ADGRL3: variants seen among roughly 807,000 people sequenced by gnomAD.
ADGRL3 encodes calcium-independent alpha-latrotoxin receptor 3.
Under a neutral mutation model 153.5 loss-of-function variants are expected in ADGRL3, and 62 were observed. That is an observed-to-expected ratio of 0.40 (90% CI 0.33 to 0.50). ADGRL3 has a LOEUF of 0.50. Among genes scored for constraint, ADGRL3 ranks in the 20% least tolerant of loss-of-function variants. ADGRL3 has a pLI of 0.47. For synonymous variants in ADGRL3, 710 were observed against 672.5 expected (o/e 1.06, Z -0.86); for missense variants, 1,641 against 1,859.4 (o/e 0.88, Z 2.16).
intron 17 of ADGRL3, among the ~76,000 whole-genome samples, chr4:61,971,522 A>G (rs1406008694): frequency 2.0e-5 from 3 of 151,918 alleles, no homozygotes; most frequent in African/African-American, 4.8e-5. Context: ...ATTCCATGGT[A>G]TATATGTGCC....
intron 1 of ADGRL3, among the ~76,000 whole-genome samples, chr4:61,377,381 G>A (rs1314901028): frequency 6.6e-6 from 1 of 152,030 alleles, no homozygotes; most frequent in African/African-American, 2.4e-5. Context: ...ATTGACTAAG[G>A]TTTGAGGATC....
intron 4 of ADGRL3, among the ~76,000 whole-genome samples, chr4:61,581,614 C>G (rs940833911): frequency 1.3e-5 from 2 of 151,988 alleles, no homozygotes; most frequent in African/African-American, 4.8e-5. Context: ...TTAACTATCT[C>G]CCTCCCTAGG....
chr4:61,756,544 A>G (rs543478902), intron 8 of ADGRL3, among the ~76,000 whole-genome samples: 3 of 152,316 alleles, frequency 2.0e-5, no homozygotes, highest in East Asian at 1.9e-4. Context: ...TTTTCTAGAT[A>G]TATAATCATA....
chr4:61,276,884 A>T (rs1382399564), intron 1 of ADGRL3, among the ~76,000 whole-genome samples: 1 of 152,162 alleles, frequency 6.6e-6, no homozygotes, highest in Admixed American at 6.6e-5. Flanking sequence ...TAGACATCAT[A>T]ATACCCAATA....
intron 2 of ADGRL3, among the ~76,000 whole-genome samples, chr4:61,436,328 A>C (rs2152441474): frequency 6.6e-6 from 1 of 152,320 alleles, no homozygotes; most frequent in East Asian, 1.9e-4. Context: ...TTATTTCACA[A>C]GCTTCTTAAC....
chr4:61,628,261 G>A (rs2092950478), intron 5 of ADGRL3, among the ~76,000 whole-genome samples: 1 of 152,138 alleles, frequency 6.6e-6, no homozygotes, highest in Admixed American at 6.5e-5. Flanking sequence ...AAGTGGTGAA[G>A]TCTGGAGACA....
At chr4:61,432,653 T>C (rs949070418) in intron 2 of ADGRL3, among the ~76,000 whole-genome samples, 1,715 of 89,934 alleles carry the variant, frequency 0.019, 238 homozygotes, top group Non-Finnish European at 0.027. Context: ...TTTCTTTCTT[T>C]CTTTTTTTTT....
chr4:61,888,612 G>A (rs1187330716), intron 9 of ADGRL3, among the ~76,000 whole-genome samples: 1 of 152,156 alleles, frequency 6.6e-6, no homozygotes, highest in Non-Finnish European at 1.5e-5. Flanking sequence ...ATGGGTATGG[G>A]GGATCAGGGA....
rs147556973 is a variant in ADGRL3 at position 61,585,163 on chromosome 4, A to AAG, written c.260-2048_260-2047dup. 2.8e-3 allele frequency among the ~76,000 whole-genome samples: 425 copies of AAG among 151,220 alleles called. 1 individual carries two copies. Among genetic ancestry groups the AAG allele is most frequent in the Non-Finnish European group, 4.2e-3 (285 of 67,622 alleles). ...TGTATGTGTGTGCACACAATAAAGA[A>AAG]AGAGAGAGAGAGAGAGAAATAAAAT... On this transcript the variant is annotated intron_variant, in intron 4 of 26. Coordinates refer to ENST00000683033, the MANE Select transcript of ADGRL3 (RefSeq NM_001387552.1).
At chr4:62,067,262 T>G (rs1018995740) in intron 25 of ADGRL3, among the ~76,000 whole-genome samples, 1 of 152,070 alleles carries the variant, frequency 6.6e-6, no homozygotes, top group Non-Finnish European at 1.5e-5. Context: ...AATTTGCTGG[T>G]TTTTATTTTA....
chr4:61,533,443 C>A (rs1454400946), intron 4 of ADGRL3, among the ~76,000 whole-genome samples: 1 of 149,760 alleles, frequency 6.7e-6, no homozygotes, highest in Non-Finnish European at 1.5e-5. Context: ...GGAAACTGGG[C>A]TAGATTGTAA....
At chr4:61,644,277 G>A (rs1308320120) in intron 5 of ADGRL3, among the ~76,000 whole-genome samples, 1 of 110,480 alleles carries the variant, frequency 9.1e-6, no homozygotes, top group Non-Finnish European at 2.2e-5. Context: ...GGTTTTTTGT[G>A]TCTCTATTTC....
At chr4:61,564,645 A>G (rs1175760715) in intron 4 of ADGRL3, among the ~76,000 whole-genome samples, 2 of 152,176 alleles carry the variant, frequency 1.3e-5, no homozygotes, top group Admixed American at 1.3e-4. Flanking sequence ...TCACAACTTG[A>G]CTGCTCTTTG....
chr4:61,755,462 G>T (rs2096815305), intron 8 of ADGRL3, among the ~76,000 whole-genome samples: 1 of 152,022 alleles, frequency 6.6e-6, no homozygotes, highest in African/African-American at 2.4e-5. Context: ...TTTTTGATGG[G>T]GTTGTTTGTT....
intron 8 of ADGRL3, among the ~76,000 whole-genome samples, chr4:61,748,762 A>G (rs1375582480): frequency 6.6e-6 from 1 of 152,098 alleles, no homozygotes; most frequent in Non-Finnish European, 1.5e-5. Flanking sequence ...AAACCCTAGA[A>G]GAAAACCTAG....
intron 2 of ADGRL3, among the ~76,000 whole-genome samples, chr4:61,465,822 A>T (rs966984093): frequency 2.0e-5 from 3 of 149,538 alleles, no homozygotes; most frequent in Non-Finnish European, 3.0e-5. Context: ...ATAACAAAAT[A>T]AAAATAATCC....
intron 1 of ADGRL3, among the ~76,000 whole-genome samples, chr4:61,334,710 C>T (rs929028278): frequency 3.4e-4 from 51 of 151,978 alleles, no homozygotes; most frequent in African/African-American, 1.2e-3. Flanking sequence ...GAACACGAAA[C>T]CTGAAAAAAA....
At chr4:61,904,083 T>C (rs2098681792) in intron 11 of ADGRL3, among the ~76,000 whole-genome samples, 1 of 151,078 alleles carries the variant, frequency 6.6e-6, no homozygotes, top group African/African-American at 2.4e-5. Context: ...AATATTTTTA[T>C]AACCTATTTC....
At chr4:61,536,328 A>G (rs1217891448) in intron 4 of ADGRL3, among the ~76,000 whole-genome samples, 2 of 152,092 alleles carry the variant, frequency 1.3e-5, no homozygotes, top group Admixed American at 6.5e-5. Flanking sequence ...AGAATCTTCC[A>G]TGTGCAGATG....
Sources: gnomAD v4.1 joint callset for allele counts (sites outside exome capture counted in the v4.1 genomes callset) on GRCh38, gnomAD v4.1.1 for gene constraint, MANE v1.5 for transcripts, NCBI Gene and HGNC (gene_info 2026-07-23, HGNC 2026-07-21) for gene names.